Variants in MYO3B observed in about 807,000 individuals in gnomAD.
MYO3B encodes the protein myosin-IIIb.
MYO3B carries 156 observed loss-of-function variants against 174.6 expected under a neutral mutation model. The observed-to-expected ratio is 0.89, with a 90% CI of 0.78 to 1.02. The LOEUF (loss-of-function observed/expected upper bound fraction) is 1.02. MYO3B is among the 50% of genes least tolerant of loss of function. The pLI is 0.00. For missense variants in MYO3B, 1,632 were observed against 1,639.4 expected (o/e 1.00, Z 0.08); for synonymous variants, 563 against 569.1 (o/e 0.99, Z 0.15).
chr2:170,245,242 G>T (rs2093177063), intron 7 of MYO3B, among the ~76,000 whole-genome samples: 1 of 152,194 alleles, frequency 6.6e-6, no homozygotes, highest in Non-Finnish European at 1.5e-5. Flanking sequence ...GGCAATGGGG[G>T]TCTCTAACTA....
At chr2:170,334,727 C>G (rs920283784) in intron 7 of MYO3B, 2 of 151,932 alleles carry the variant, frequency 1.3e-5, no homozygotes, top group Admixed American at 1.3e-4. Flanking sequence ...GCCCTCTCAC[C>G]AAGAGGTTGT....
chr2:170,519,274 G>A (rs1209010822), intron 29 of MYO3B, among the ~76,000 whole-genome samples, 164 bp from the exon 30 acceptor site: 1 of 152,056 alleles, frequency 6.6e-6, no homozygotes, highest in African/African-American at 2.4e-5. Context: ...CTGGAATCGA[G>A]AACAGCTCAA....
intron 25 of MYO3B, among the ~76,000 whole-genome samples, chr2:170,477,004 A>G (rs1559039276): frequency 6.6e-6 from 1 of 152,162 alleles, no homozygotes; most frequent in African/African-American, 2.4e-5. Flanking sequence ...CGGATATGTC[A>G]GCCTCTTTCT....
At chr2:170,484,692 A>G (rs1181132304) in intron 25 of MYO3B, among the ~76,000 whole-genome samples, 1 of 152,176 alleles carries the variant, frequency 6.6e-6, no homozygotes, top group East Asian at 1.9e-4. Context: ...TCTTAACCCA[A>G]GGCCCAAATT....
chr2:170,638,360 G>A (rs1285258806), intron 32 of MYO3B, among the ~76,000 whole-genome samples: 1 of 152,120 alleles, frequency 6.6e-6, no homozygotes, highest in Admixed American at 6.6e-5. Flanking sequence ...GTGGTTCAGG[G>A]GAACCTACCT....
At chr2:170,431,286 G>C (rs939456696) in intron 22 of MYO3B, among the ~76,000 whole-genome samples, 2 of 152,042 alleles carry the variant, frequency 1.3e-5, no homozygotes, top group South Asian at 4.2e-4. Flanking sequence ...CGTTAAAAGA[G>C]ACTGACCTAC....
Position 170,651,748 on chromosome 2 carries a change from G to A in MYO3B, c.3840+14G>A. 7.5e-6 allele frequency: 12 copies of A among 1,605,366 alleles called. No individual in the cohort carries two copies. The highest frequency in any genetic ancestry group is 8.5e-6 in the Non-Finnish European group (10 of 1,172,144). Reference sequence around the variant, plus strand: ...AACCAGTTAAATGTGAGTTCAAAGTGGCCGTAAAGCTGTTTCACTGGCTTT... The same window carrying A: ...AACCAGTTAAATGTGAGTTCAAAGTAGCCGTAAAGCTGTTTCACTGGCTTT... On this transcript the variant is annotated intron_variant, in intron 33 of 34. Transcript: ENST00000408978.
intron 1 of MYO3B, among the ~76,000 whole-genome samples, chr2:170,198,168 T>C (rs922018936): frequency 6.6e-6 from 1 of 151,292 alleles, no homozygotes; most frequent in Non-Finnish European, 1.5e-5. Context: ...AAGGGCACCA[T>C]GTGAAATTTC....
chr2:170,652,536 G>C (rs374908757), intron 34 of MYO3B, among the ~76,000 whole-genome samples: 1 of 152,114 alleles, frequency 6.6e-6, no homozygotes, highest in African/African-American at 2.4e-5. Context: ...CATGGACAAG[G>C]AGAAACATGC....
intron 23 of MYO3B, among the ~76,000 whole-genome samples, chr2:170,461,083 T>G (rs1684252523): frequency 6.6e-6 from 1 of 152,140 alleles, no homozygotes; most frequent in African/African-American, 2.4e-5. Flanking sequence ...GGGGGGCTGG[T>G]GCTCACTAGT....
intron 28 of MYO3B, 81 bp from the exon 29 acceptor site, chr2:170,514,840 C>T (rs1169359937): frequency 7.8e-7 from 1 of 1,275,702 alleles, no homozygotes; most frequent in Non-Finnish European, 1.1e-6. Flanking sequence ...ATTTTCCTGG[C>T]CAACTTGTAT....
At chr2:170,223,011 G>A (rs1033817217) in intron 6 of MYO3B, among the ~76,000 whole-genome samples, 1 of 152,074 alleles carries the variant, frequency 6.6e-6, no homozygotes, top group African/African-American at 2.4e-5. Context: ...TCAGCCTTTG[G>A]TGTTTGAGGC....
chr2:170,436,887 C>T (rs13393912), intron 22 of MYO3B, among the ~76,000 whole-genome samples: 20,668 of 152,104 alleles, frequency 0.14, 1,424 homozygotes, highest in South Asian at 0.2. Flanking sequence ...AGATTTGGTG[C>T]GATTTCCTGG....
intron 30 of MYO3B, among the ~76,000 whole-genome samples, chr2:170,526,668 T>A (rs990607441): frequency 7.2e-5 from 11 of 152,210 alleles, no homozygotes; most frequent in Non-Finnish European, 1.3e-4. Context: ...TTTCTTAGAC[T>A]TTCTAGATTT....
At chr2:170,312,152 T>C (rs772578061) in intron 7 of MYO3B, among the ~76,000 whole-genome samples, 1 of 152,238 alleles carries the variant, frequency 6.6e-6, no homozygotes, top group Non-Finnish European at 1.5e-5. Flanking sequence ...CCAAGTGTCC[T>C]AAGATGCACG....
In MYO3B at chr2:170,315,652, T is replaced by C. The variant is rs557572798; in HGVS notation, c.750-19733T>C. Among the ~76,000 whole-genome samples the C allele has an allele frequency of 3.6e-4, 55 of 152,368 alleles. No homozygotes were observed. In the South Asian group the frequency reaches 9.1e-3, roughly 25 times the overall value. Reference sequence around the variant, plus strand: ...GTAATTTTAACTATTGCCTATTGAATGTTTACTTCATGTTTGACAGTGTTA... The same window carrying C: ...GTAATTTTAACTATTGCCTATTGAACGTTTACTTCATGTTTGACAGTGTTA... On this transcript the variant is annotated intron_variant, in intron 7 of 34. Transcript: ENST00000408978.
chr2:170,276,429 A>G (rs558591595), intron 7 of MYO3B, among the ~76,000 whole-genome samples: 1 of 152,312 alleles, frequency 6.6e-6, no homozygotes, highest in Non-Finnish European at 1.5e-5. Flanking sequence ...TCTAAAATCT[A>G]CTTTGGTAAG....
chr2:170,325,312 A>G (rs929393218), intron 7 of MYO3B, among the ~76,000 whole-genome samples: 1 of 152,050 alleles, frequency 6.6e-6, no homozygotes, highest in Non-Finnish European at 1.5e-5. Flanking sequence ...GGTTCAAGCA[A>G]TTCTCCTGCT....
intron 7 of MYO3B, among the ~76,000 whole-genome samples, chr2:170,249,658 A>C (rs778641142): frequency 6.6e-6 from 1 of 152,246 alleles, no homozygotes; most frequent in Non-Finnish European, 1.5e-5. Flanking sequence ...GCCTTTGTTC[A>C]GTCCAAATGT....
Sources: gnomAD v4.1 joint callset for allele counts (sites outside exome capture counted in the v4.1 genomes callset) on GRCh38, gnomAD v4.1.1 for gene constraint, MANE v1.5 for transcripts, NCBI Gene and HGNC (gene_info 2026-07-23, HGNC 2026-07-21) for gene names.